CADPS: variants seen among roughly 807,000 people sequenced by gnomAD.
The protein encoded by CADPS is calcium dependent secretion activator, also known as calcium-dependent secretion activator 1.
A neutral mutation model predicts 167.3 loss-of-function variants in CADPS; 57 were observed. The observed-to-expected ratio is 0.34, with a 90% CI of 0.28 to 0.42. The LOEUF is 0.42. CADPS is among the 20% of genes least tolerant of loss of function. The pLI is 1.00. For synonymous variants in CADPS, 676 were observed against 635.3 expected, an observed-to-expected ratio of 1.06 and a Z score of -0.96; for missense variants, 1,414 against 1,738.1, an observed-to-expected ratio of 0.81 and a Z score of 3.32.
At chr3:62,422,516 TC>T (rs1258740444) in intron 28 of CADPS, among the ~76,000 whole-genome samples, 1 of 152,182 alleles carries the variant, frequency 6.6e-6, no homozygotes, top group Non-Finnish European at 1.5e-5. Flanking sequence ...TTTCCTCTTT[TC>T]TTTTCCTTCC....
chr3:62,549,447 G>GTTTTTTTTT (rs3074235), intron 11 of CADPS, among the ~76,000 whole-genome samples: 1 of 129,288 alleles, frequency 7.7e-6, no homozygotes, highest in Non-Finnish European at 1.6e-5. Flanking sequence ...CATGTTTTGT[G>GTTTTTTTTT]TTTTTTTTTT....
intron 1 of CADPS, among the ~76,000 whole-genome samples, chr3:62,829,378 A>G (rs73102778): frequency 0.19 from 29,192 of 152,146 alleles, 3,179 homozygotes; most frequent in Middle Eastern, 0.32. Context: ...TGTAGGATAC[A>G]TGCAAATACT....
rs144377520 is a variant in CADPS at position 62,623,491 on chromosome 3, C to T, written c.1325+22231G>A. ...ATTAAAATCAAGTCCTATCCCTGGA[C>T]ACCATCAGGAAATATACTACACCGG... On this transcript the variant is annotated intron_variant, in intron 6 of 29. Coordinates refer to ENST00000383710, the MANE Select transcript of CADPS (RefSeq NM_003716.4). Among the ~76,000 whole-genome samples the T allele has an allele frequency of 1.8e-3, 270 of 152,308 alleles. 4 individuals are homozygous for T. Among genetic ancestry groups the T allele is most frequent in the Middle Eastern group, 0.017 (5 of 294 alleles).
chr3:62,874,442 G>A lies in CADPS; in HGVS notation c.441+147C>T, dbSNP rs1017231650. 1.6e-4 allele frequency: 98 copies of A among 632,018 alleles called. 1 individual carries two copies. The highest frequency in any genetic ancestry group is 1.5e-3 in the African/African-American group (81 of 52,674). 39.2% of individuals were successfully genotyped at this position (632,018 alleles called of 1,614,324 possible). A position where few individuals can be genotyped will look rare whatever the true frequency, so the allele number is the denominator to read the frequency against. ...CTGGGCCTGGGCGAGCCCGGCCGCT[G>A]GGAGGGGGCCTCGTAGCCCTTTCCC... On this transcript the variant is annotated intron_variant, in intron 1 of 29. Coordinates refer to ENST00000383710, the MANE Select transcript of CADPS (RefSeq NM_003716.4). The surrounding 1 kb of genome is among the most constrained non-coding windows in gnomAD (Gnocchi z 7.1).
rs58817641 is a variant in CADPS at position 62,502,797 on chromosome 3, T to C, written c.2600-3529A>G. The stretch of plus-strand genomic sequence containing the variant: ...GCCTCTGATATAACATGCTGGTCTG[T>C]GTTTGGGTGGGTGGAGGAGGAGGCC... On this transcript the variant is annotated intron_variant, in intron 17 of 29. Coordinates refer to ENST00000383710, the MANE Select transcript of CADPS (RefSeq NM_003716.4). Among the ~76,000 whole-genome samples the C allele has an allele frequency of 2.3e-3, 355 of 152,122 alleles. 1 individual carries two copies. Among genetic ancestry groups the C allele is most frequent in the African/African-American group, 7.9e-3 (327 of 41,504 alleles).
intron 6 of CADPS, among the ~76,000 whole-genome samples, chr3:62,627,903 G>A (rs1021806695): frequency 6.6e-6 from 1 of 152,122 alleles, no homozygotes; most frequent in African/African-American, 2.4e-5. Context: ...ACCTCAAACT[G>A]TCATGTGAAA....
chr3:62,661,626 T>C (rs2073221619), intron 4 of CADPS, among the ~76,000 whole-genome samples: 1 of 152,156 alleles, frequency 6.6e-6, no homozygotes, highest in African/African-American at 2.4e-5. Context: ...TTGAAGGATT[T>C]TGAGGCTCTG....
intron 3 of CADPS, among the ~76,000 whole-genome samples, chr3:62,664,924 C>A (rs1038744239): frequency 6.6e-6 from 1 of 152,164 alleles, no homozygotes; most frequent in Non-Finnish European, 1.5e-5. Context: ...TTATTCATTA[C>A]TTCACTAATT....
chr3:62,563,736 T>G (rs1256761649), intron 9 of CADPS, among the ~76,000 whole-genome samples: 2 of 152,038 alleles, frequency 1.3e-5, no homozygotes, highest in Admixed American at 1.3e-4. Context: ...CGTATTATTG[T>G]TATGTCTTTG....
intron 3 of CADPS, among the ~76,000 whole-genome samples, chr3:62,716,661 CATG>C (rs1490540149): frequency 8.5e-5 from 13 of 152,212 alleles, no homozygotes; most frequent in Non-Finnish European, 4.4e-5. Context: ...AGAGCAATGA[CATG>C]ATCTTTGTCC....
Position 62,835,793 on chromosome 3 carries a change from C to T in CADPS, c.441+38796G>A, listed in dbSNP as rs555937971. Reference sequence around the variant, plus strand: ...GAAACACAGCTTCCCTATTCTGAGCCCAGACTTGACAATGCCCAGCAGAAT... The same window carrying T: ...GAAACACAGCTTCCCTATTCTGAGCTCAGACTTGACAATGCCCAGCAGAAT... On this transcript the variant is annotated intron_variant, in intron 1 of 29. Transcript: ENST00000383710. 1.8e-4 allele frequency among the ~76,000 whole-genome samples: 27 copies of T among 152,218 alleles called. No individual in the cohort carries two copies. In the South Asian group the frequency reaches 5.6e-3, roughly 32 times the overall value.
At chr3:62,778,623 A>G (rs2090903805) in intron 1 of CADPS, among the ~76,000 whole-genome samples, 1 of 152,286 alleles carries the variant, frequency 6.6e-6, no homozygotes, top group African/African-American at 2.4e-5. Flanking sequence ...TTACCCATGA[A>G]GCTTACAGAA....
At chr3:62,484,467 C>T (rs2062511065) in intron 21 of CADPS, among the ~76,000 whole-genome samples, 1 of 152,212 alleles carries the variant, frequency 6.6e-6, no homozygotes, top group Non-Finnish European at 1.5e-5. Flanking sequence ...AGTTATGCAT[C>T]TCTGAGAGAA....
intron 6 of CADPS, among the ~76,000 whole-genome samples, chr3:62,622,649 G>C (rs6782043): frequency 0.015 from 2,313 of 152,116 alleles, 62 homozygotes; most frequent in African/African-American, 0.052. Flanking sequence ...TTATCCCTGA[G>C]CTGAGCTGCA....
intron 4 of CADPS, among the ~76,000 whole-genome samples, chr3:62,655,470 T>C (rs2071312056): frequency 6.6e-6 from 1 of 152,198 alleles, no homozygotes. Flanking sequence ...GCTGATAACA[T>C]TCCTCAGTGG....
Position 62,466,354 on chromosome 3 carries a change from T to A in CADPS, c.3537A>T (p.Thr1179=). The A allele has an allele frequency of 6.2e-7, 1 of 1,611,006 alleles. No homozygotes were observed. The highest frequency in any genetic ancestry group is 8.5e-7 in the Non-Finnish European group (1 of 1,177,368). Residue 1179 remains threonine (T), a synonymous_variant, in exon 25 of 30, where the codon ACA becomes ACT. Coordinates refer to ENST00000383710, the MANE Select transcript of CADPS (RefSeq NM_003716.4). The part of the protein sequence containing the change: ...LIEETVKEMI[T]LLVAKFVTIL... ...TGGAGGTTACCTTTGCAACCAAGAGTGTTATCATTTCTTTAACAGTTTCTT... is the reference window on the plus strand; with the variant it reads ...TGGAGGTTACCTTTGCAACCAAGAGAGTTATCATTTCTTTAACAGTTTCTT...
intron 13 of CADPS, among the ~76,000 whole-genome samples, chr3:62,522,975 C>T (rs2071087367): frequency 6.6e-6 from 1 of 152,182 alleles, no homozygotes; most frequent in Non-Finnish European, 1.5e-5. Context: ...CGGCGGGCAT[C>T]TCCGGAATCC....
chr3:62,563,606 A>G (rs545101189), intron 9 of CADPS, among the ~76,000 whole-genome samples: 1 of 152,284 alleles, frequency 6.6e-6, no homozygotes, highest in East Asian at 1.9e-4. Flanking sequence ...TAAGTTCTTT[A>G]GTGGTGATTT....
At position 62,550,030 on chromosome 3, in the gene CADPS, G is replaced by T; in HGVS notation, c.1839C>A (p.Ile613=). The part of the protein sequence containing the change: ...IFASDDEQDR[I]LWVQAMYRAT... ...CCCGATACATGGCCTGGACCCACAGGATGCGGTCTTGTTCATCGTCACTGG... is the reference window on the plus strand; with the variant it reads ...CCCGATACATGGCCTGGACCCACAGTATGCGGTCTTGTTCATCGTCACTGG... The change falls in exon 11 of 30, where the codon ATC becomes ATA. Residue 613 remains isoleucine (I), a synonymous_variant. Coordinates refer to ENST00000383710, the MANE Select transcript of CADPS (RefSeq NM_003716.4). 6.2e-7 allele frequency: 1 copy of T among 1,614,112 alleles called. No homozygotes were observed. The highest frequency in any genetic ancestry group is 8.5e-7 in the Non-Finnish European group (1 of 1,179,980).
Sources: gnomAD v4.1 joint callset for allele counts (sites outside exome capture counted in the v4.1 genomes callset) on GRCh38, gnomAD v4.1.1 for gene constraint, Gnocchi (gnomAD v3.1) non-coding constraint, MANE v1.5 for transcripts, NCBI Gene and HGNC (gene_info 2026-07-23, HGNC 2026-07-21) for gene names.